POT1: variants seen among roughly 807,000 people sequenced by gnomAD.
POT1 encodes the protein protection of telomeres 1.
In POT1, 47 loss-of-function variants were observed where a neutral mutation model predicts 78.5. That is an observed-to-expected ratio of 0.60 (90% CI 0.47 to 0.76). The LOEUF (loss-of-function observed/expected upper bound fraction) is 0.76, where lower values mean the gene tolerates loss of function less well. Ranked by LOEUF, POT1 falls within the 30% of genes least tolerant of loss-of-function variation. The probability of loss-of-function intolerance (pLI) is 0.00; values close to 1 mark genes in which losing one functional copy is unlikely to be tolerated. For missense variants in POT1, 646 were observed against 749.9 expected (o/e 0.86, Z 1.62); for synonymous variants, 259 against 260.7 (o/e 0.99, Z 0.06).
Position 124,823,915 on chromosome 7 carries a change from G to A in POT1, c.*47C>T, listed in dbSNP as rs1584745447. 1 of 1,223,636 alleles carries A rather than the reference G, an allele frequency of 8.2e-7. No individual in the cohort carries two copies. The highest frequency in any genetic ancestry group is 1.2e-6 in the Non-Finnish European group (1 of 835,166). 75.8% of individuals were successfully genotyped at this position (1,223,636 alleles called of 1,614,324 possible). A position where few individuals can be genotyped will look rare whatever the true frequency, so the allele number is the denominator to read the frequency against. On this transcript the variant is annotated 3_prime_UTR_variant, in exon 19 of 19. Transcript: ENST00000357628. The stretch of plus-strand genomic sequence containing the variant: ...AGGTCAGGAAAAGAAGCTCAAACAG[G>A]GAAGGTGAGTGGCAACATTTTATGT...
chr7:124,853,178 A>G (rs1490135323), intron 9 of POT1, 40 bp from the exon 10 acceptor site: 1 of 1,440,176 alleles, frequency 6.9e-7, no homozygotes, highest in Admixed American at 2.1e-5. Context: ...AGTGGGGAAA[A>G]ATTAAAATAC....
intron 3 of POT1, among the ~76,000 whole-genome samples, chr7:124,899,679 A>C (rs2116650163): frequency 6.6e-6 from 1 of 152,280 alleles, no homozygotes; most frequent in Admixed American, 6.5e-5. Flanking sequence ...TATCAAACTA[A>C]CACCGGAAGA....
At chr7:124,876,099 T>C (rs568617892) in intron 6 of POT1, among the ~76,000 whole-genome samples, 1 of 152,338 alleles carries the variant, frequency 6.6e-6, no homozygotes, top group Non-Finnish European at 1.5e-5. Context: ...AAAAAAATTT[T>C]TGAGTCGACA....
intron 6 of POT1, among the ~76,000 whole-genome samples, chr7:124,871,462 G>T (rs1368533628): frequency 2.0e-5 from 3 of 151,938 alleles, no homozygotes; most frequent in Non-Finnish European, 2.9e-5. Context: ...ACTGCATAAA[G>T]AATTTATGAA....
At chr7:124,825,378 GAA>G in intron 17 of POT1, 21 bp from the exon 18 acceptor site, 3 of 1,377,650 alleles carry the variant, frequency 2.2e-6, no homozygotes, top group South Asian at 1.3e-5. Context: ...TTTCATGAGA[GAA>G]AAAAAAAGGA....
At chr7:124,849,059 T>C (rs1795240988) in intron 11 of POT1, among the ~76,000 whole-genome samples, 1 of 152,214 alleles carries the variant, frequency 6.6e-6, no homozygotes, top group Non-Finnish European at 1.5e-5. Context: ...CAGTACATTA[T>C]GTTTTTATAA....
intron 6 of POT1, among the ~76,000 whole-genome samples, chr7:124,891,350 T>C (rs1040523346): frequency 6.6e-6 from 1 of 151,732 alleles, no homozygotes; most frequent in African/African-American, 2.4e-5. Flanking sequence ...TTGGTTACCA[T>C]TGGCAAGAAG....
In POT1 at chr7:124,920,294, C is replaced by T. The variant is rs112893805; in HGVS notation, c.-226-4648G>A. Among the ~76,000 whole-genome samples, 1,148 of 152,066 alleles carry T rather than the reference C, an allele frequency of 7.5e-3. 12 individuals carry two copies. The highest frequency in any genetic ancestry group is 0.012 in the Non-Finnish European group (844 of 67,982). ...AAAAACAACCTGAAAGAATGTTATACGTATCATAGTAAGTGAAAGAAGCCA... is the reference window on the plus strand; with the variant it reads ...AAAAACAACCTGAAAGAATGTTATATGTATCATAGTAAGTGAAAGAAGCCA... On this transcript the variant is annotated intron_variant, in intron 2 of 18. Transcript: ENST00000357628.
chr7:124,905,823 C>T lies in POT1; in HGVS notation c.-153-7449G>A, dbSNP rs545837859. Among the ~76,000 whole-genome samples the T allele has an allele frequency of 8.6e-5, 13 of 151,948 alleles. No homozygotes were observed. The South Asian group carries it at 1.0e-3, about 12-fold the overall frequency. ...TCAAACAACCCCATCAAAAAGTGGG[C>T]GAAGGATATGAACTGACATTTGTCA... On this transcript the variant is annotated intron_variant, in intron 3 of 18. Coordinates refer to ENST00000357628, the MANE Select transcript of POT1 (RefSeq NM_015450.3).
chr7:124,913,333 T>C lies in POT1; in HGVS notation c.-154+2241A>G, dbSNP rs563638144. ...TTTTTAATTGAATTGCTTATCTTTT[T>C]GTTGTTGAATTTAAGAAGTCCTTTA... On this transcript the variant is annotated intron_variant, in intron 3 of 18. Coordinates refer to ENST00000357628, the MANE Select transcript of POT1 (RefSeq NM_015450.3). Among the ~76,000 whole-genome samples, 6 of 152,336 alleles carry C rather than the reference T, an allele frequency of 3.9e-5. No individual in the cohort carries two copies. In the East Asian group the frequency reaches 1.2e-3, roughly 29 times the overall value.
At chr7:124,889,617 CTT>C (rs2116622481) in intron 6 of POT1, among the ~76,000 whole-genome samples, 1 of 152,136 alleles carries the variant, frequency 6.6e-6, no homozygotes, top group South Asian at 2.1e-4. Flanking sequence ...GGTTCACTCT[CTT>C]GTGAGAGTCT....
At chr7:124,889,299 T>C (rs1410360320) in intron 6 of POT1, among the ~76,000 whole-genome samples, 1 of 152,084 alleles carries the variant, frequency 6.6e-6, no homozygotes, top group Non-Finnish European at 1.5e-5. Context: ...CTCTCTTCAA[T>C]TCTTTAAAGG....
intron 15 of POT1, 99 bp from the exon 16 acceptor site, chr7:124,829,441 AATT>A (rs1794708722): frequency 9.6e-6 from 7 of 728,964 alleles, no homozygotes; most frequent in Middle Eastern, 3.9e-4. Context: ...TTAAAATATA[AATT>A]ATTAAACAGA....
At chr7:124,827,990 A>G (rs1190073572) in intron 16 of POT1, among the ~76,000 whole-genome samples, 7 of 152,064 alleles carry the variant, frequency 4.6e-5, no homozygotes, top group Non-Finnish European at 1.0e-4. Context: ...TCGAGATTGC[A>G]CCACTGCACT....
chr7:124,914,581 C>G (rs1274565873), intron 3 of POT1, among the ~76,000 whole-genome samples: 4 of 152,138 alleles, frequency 2.6e-5, no homozygotes, highest in Admixed American at 2.6e-4. Flanking sequence ...TCTGCAAATT[C>G]AACCAATTCA....
chr7:124,827,835 G>A (rs904228456), intron 16 of POT1, among the ~76,000 whole-genome samples: 1 of 152,010 alleles, frequency 6.6e-6, no homozygotes, highest in Admixed American at 6.6e-5. Context: ...TTCAAGACCA[G>A]CCTGGCCAAC....
chr7:124,899,141 A>T (rs1410453952), intron 3 of POT1, among the ~76,000 whole-genome samples: 1 of 152,148 alleles, frequency 6.6e-6, no homozygotes, highest in Non-Finnish European at 1.5e-5. Context: ...CTGCACATAC[A>T]AGGGCCTGGT....
chr7:124,844,126 GTT>G (rs34848715), intron 12 of POT1, among the ~76,000 whole-genome samples: 39 of 127,182 alleles, frequency 3.1e-4, no homozygotes, highest in African/African-American at 3.5e-4. Flanking sequence ...GGCGATTGTG[GTT>G]TTTTTTTTTT....
intron 3 of POT1, among the ~76,000 whole-genome samples, chr7:124,910,907 T>C (rs1796875610): frequency 6.6e-6 from 1 of 152,040 alleles, no homozygotes; most frequent in Admixed American, 6.6e-5. Context: ...AAATACATTT[T>C]TAAATGTATT....
Sources: allele counts gnomAD v4.1 joint callset (sites outside exome capture counted in the v4.1 genomes callset), GRCh38; gene constraint gnomAD v4.1.1; transcripts MANE v1.5; gene names NCBI Gene and HGNC (gene_info 2026-07-23, HGNC 2026-07-21).